GSE1: variants seen among roughly 807,000 people sequenced by gnomAD.
GSE1 encodes the protein genetic suppressor element 1.
A neutral mutation model predicts 112.6 loss-of-function variants in GSE1; 32 were observed. The ratio of observed to expected loss-of-function variants is 0.28; its 90% CI spans 0.21 to 0.38. The LOEUF is 0.38. GSE1 is among the 10% of genes least tolerant of loss of function. The pLI is 1.00. For missense variants in GSE1, 2,348 were observed against 1,699.2 expected (o/e 1.38, Z -6.71); for synonymous variants, 1,115 against 735.6 (o/e 1.52, Z -8.35).
rs1190291296 is a variant in GSE1 at position 85,236,684 on chromosome 16, T to C, written c.2283+64877T>C. ...TTTGTGGTTGAGTCATAGGGAGCCA[T>C]TGAAGGTTCCTGAGCAGGAGAGTGG... On this transcript the variant is annotated intron_variant, in intron 1 of 2. Transcript: ENST00000637419. Among the ~76,000 whole-genome samples, 4 of 152,180 alleles carry C rather than the reference T, an allele frequency of 2.6e-5. No homozygotes were observed. In the East Asian group the frequency reaches 7.7e-4, roughly 29 times the overall value.
At chr16:85,169,710 C>T (rs1273069269) in exon 1 of GSE1, 1 of 983,562 alleles carries the variant, frequency 1.0e-6, no homozygotes, top group Non-Finnish European at 1.2e-6. Context: ...AGCCCTTCTT[C>T]CCGTTCCTGC....
chr16:85,402,747 C>A (rs2048146040), intron 2 of GSE1, among the ~76,000 whole-genome samples: 1 of 152,074 alleles, frequency 6.6e-6, no homozygotes, highest in African/African-American at 2.4e-5. Context: ...CATAGTGAAA[C>A]CCTGTCTCTA....
intron 2 of GSE1, among the ~76,000 whole-genome samples, chr16:85,491,016 C>T (rs990634853): frequency 2.6e-5 from 4 of 152,206 alleles, no homozygotes; most frequent in African/African-American, 9.6e-5. Flanking sequence ...CGATCTCTCC[C>T]CCTGCCTCTG....
chr16:85,343,627 G>A (rs950533467), intron 1 of GSE1, among the ~76,000 whole-genome samples: 11 of 152,160 alleles, frequency 7.2e-5, no homozygotes, highest in African/African-American at 2.7e-4. Context: ...GTGCACGCCT[G>A]TAGACCCAGC....
chr16:85,541,281 G>C (rs947034778), intron 2 of GSE1, among the ~76,000 whole-genome samples: 2 of 152,192 alleles, frequency 1.3e-5, no homozygotes, highest in Admixed American at 6.5e-5. Context: ...CTTGAGTTGG[G>C]GGTGACCGAG....
At chr16:85,603,050 C>T (rs2151489992) in intron 1 of GSE1, among the ~76,000 whole-genome samples, 1 of 152,400 alleles carries the variant, frequency 6.6e-6, no homozygotes, top group East Asian at 1.9e-4. Context: ...GTGGCAGGAG[C>T]TGCCTTGCAG....
intron 1 of GSE1, among the ~76,000 whole-genome samples, chr16:85,217,718 G>A (rs535323082): frequency 9.9e-5 from 15 of 152,034 alleles, no homozygotes; most frequent in East Asian, 1.9e-4. Context: ...CCTCAAAGCC[G>A]AACAGCCCAG....
intron 1 of GSE1, among the ~76,000 whole-genome samples, chr16:85,212,329 C>G (rs2075239919): frequency 6.6e-6 from 1 of 152,136 alleles, no homozygotes; most frequent in East Asian, 1.9e-4. Context: ...TCGCTTGAAC[C>G]TGGGAGGGAG....
chr16:85,615,488 C>T (rs1213125166), intron 1 of GSE1, among the ~76,000 whole-genome samples: 1 of 151,696 alleles, frequency 6.6e-6, no homozygotes, highest in Non-Finnish European at 1.5e-5. Context: ...AAGCTGGAGC[C>T]AACCACGGTT....
At position 85,666,260 on chromosome 16, in the gene GSE1, T is replaced by C; in HGVS notation, c.3043T>C (p.Trp1015Arg). 6.2e-7 allele frequency: 1 copy of C among 1,613,856 alleles called. No homozygotes were observed. Among genetic ancestry groups the C allele is most frequent in the Non-Finnish European group, 8.5e-7 (1 of 1,180,032 alleles). Residue 1015 changes from tryptophan (W) to arginine (R), a missense_variant, in exon 13 of 16, where the codon TGG becomes CGG. Transcript: ENST00000253458. ...CAGCACCAATGGGAAGAGCAAGCCGTGGGAGCCCTTTGTGGCAGAAGAGTT... is the reference window on the plus strand; with the variant it reads ...CAGCACCAATGGGAAGAGCAAGCCGCGGGAGCCCTTTGTGGCAGAAGAGTT... ...SHSTNGKSKPWEPFVAEEFAH... is the reference protein window; with the variant it reads ...SHSTNGKSKPREPFVAEEFAH...
rs1051338179 is a variant in GSE1 at position 85,656,619 on chromosome 16, T to C, written c.1266T>C (p.Thr422=). 2.6e-6 allele frequency: 4 copies of C among 1,543,564 alleles called. No individual in the cohort carries two copies. Among genetic ancestry groups the C allele is most frequent in the African/African-American group, 1.4e-5 (1 of 72,802 alleles). The change falls in exon 7 of 16, where the codon ACT becomes ACC. Residue 422 remains threonine (T), a synonymous_variant. Transcript: ENST00000253458. The part of the protein sequence containing the change: ...AELHGLRGHA[T]EERGKPSEQL... Reference sequence around the variant, plus strand: ...TGCATGGGCTGCGTGGCCATGCCACTGAGGAGCGGGGCAAGCCCTCGGAGC... The same window carrying C: ...TGCATGGGCTGCGTGGCCATGCCACCGAGGAGCGGGGCAAGCCCTCGGAGC...
At chr16:85,414,347 C>A (rs1041156645) in intron 2 of GSE1, among the ~76,000 whole-genome samples, 1 of 152,226 alleles carries the variant, frequency 6.6e-6, no homozygotes, top group African/African-American at 2.4e-5. Flanking sequence ...TGTCAACAAC[C>A]CACAATATGG....
rs866453357 is a variant in GSE1 at position 85,407,294 on chromosome 16, A to T, written c.2464+49651A>T. ...CCCCCTGGATAATCCTCACTGTTACACTCAGGCCCCCCGGATAATCCTCAC... is the reference window on the plus strand; with the variant it reads ...CCCCCTGGATAATCCTCACTGTTACTCTCAGGCCCCCCGGATAATCCTCAC... On this transcript the variant is annotated intron_variant, in intron 2 of 2. Coordinates refer to the GSE1 transcript ENST00000637419. 1.5e-3 allele frequency among the ~76,000 whole-genome samples: 41 copies of T among 27,994 alleles called. No homozygotes were observed. The African/African-American group carries it at 0.015, about 10-fold the overall frequency. 18.4% of individuals were successfully genotyped at this position (27,994 alleles called of 152,430 possible).
chr16:85,475,261 C>G (rs4783219), intron 2 of GSE1, among the ~76,000 whole-genome samples: 47,514 of 152,138 alleles, frequency 0.31, 7,858 homozygotes, highest in Middle Eastern at 0.38. Flanking sequence ...GGGAGGGACG[C>G]TTTGCAGAGC....
Position 85,223,227 on chromosome 16 carries a change from A to G in GSE1, c.2283+51420A>G, listed in dbSNP as rs559335090. Among the ~76,000 whole-genome samples, 179 of 152,330 alleles carry G rather than the reference A, an allele frequency of 1.2e-3. 2 individuals carry two copies. Among genetic ancestry groups the G allele is most frequent in the African/African-American group, 4.1e-3 (171 of 41,572 alleles). On this transcript the variant is annotated intron_variant, in intron 1 of 2. Transcript: ENST00000637419. Reference sequence around the variant, plus strand: ...GAACCATGTTTTTAACCCTTTTAAAATTGTGGTAAAATAGTCTGGGCACGT... The same window carrying G: ...GAACCATGTTTTTAACCCTTTTAAAGTTGTGGTAAAATAGTCTGGGCACGT...
chr16:85,357,673 G>A, intron 2 of GSE1: 1 of 1,271,910 alleles, frequency 7.9e-7, no homozygotes, highest in Non-Finnish European at 1.0e-6. Context: ...GTATCTCTGG[G>A]TACTGGGCTG....
At chr16:85,508,573 C>G (rs373831501) in intron 2 of GSE1, among the ~76,000 whole-genome samples, 5 of 152,326 alleles carry the variant, frequency 3.3e-5, no homozygotes, top group African/African-American at 1.2e-4. Context: ...TCCACCCCCT[C>G]AGCTGTGGCC....
chr16:85,476,496 C>T (rs921721663), intron 2 of GSE1, among the ~76,000 whole-genome samples: 1 of 152,208 alleles, frequency 6.6e-6, no homozygotes, highest in African/African-American at 2.4e-5. Flanking sequence ...ATGGCGGTTG[C>T]TGCCCATGCC....
At chr16:85,476,934 T>TC (rs1403717164) in intron 2 of GSE1, among the ~76,000 whole-genome samples, 1 of 150,064 alleles carries the variant, frequency 6.7e-6, no homozygotes, top group African/African-American at 2.5e-5. Context: ...TCTTTTTTTT[T>TC]TTTTTTTTTG....
Sources: gnomAD v4.1 joint callset for allele counts (sites outside exome capture counted in the v4.1 genomes callset) on GRCh38, gnomAD v4.1.1 for gene constraint, MANE v1.5 for transcripts, NCBI Gene and HGNC (gene_info 2026-07-23, HGNC 2026-07-21) for gene names.